Variants in DPP6 observed in about 807,000 individuals in gnomAD.
The protein encoded by DPP6 is A-type potassium channel modulatory protein DPP6.
Under a neutral mutation model 122.6 loss-of-function variants are expected in DPP6, and 69 were observed. The ratio of observed to expected loss-of-function variants is 0.56; its 90% CI spans 0.46 to 0.69. The LOEUF is 0.69. DPP6 is among the 30% of genes least tolerant of loss of function. DPP6 has a pLI of 0.00. For missense variants in DPP6, 928 were observed against 1,116.9 expected, an observed-to-expected ratio of 0.83 and a Z score of 2.41; for synonymous variants, 418 against 433.1, an observed-to-expected ratio of 0.97 and a Z score of 0.43.
At chr7:153,851,886 T>C in the DPP6 span, among the ~76,000 whole-genome samples, 1 of 152,232 alleles carries the variant, frequency 6.6e-6, no homozygotes, top group Admixed American at 6.5e-5. Flanking sequence ...CTCTGTAATT[T>C]ACATTTTACG....
intron 1 of DPP6, among the ~76,000 whole-genome samples, chr7:154,278,490 G>A (rs1042336203): frequency 6.6e-6 from 1 of 152,194 alleles, no homozygotes; most frequent in African/African-American, 2.4e-5. Context: ...AAATATAGAA[G>A]CATGTACATC....
chr7:154,701,020 A>AC (rs910702510), intron 7 of DPP6, among the ~76,000 whole-genome samples: 7 of 150,652 alleles, frequency 4.6e-5, no homozygotes, highest in Non-Finnish European at 8.9e-5. Context: ...CATCCCCATC[A>AC]CCCCCCATCT....
the DPP6 span, among the ~76,000 whole-genome samples, chr7:153,769,024 T>C: frequency 2.0e-5 from 3 of 152,274 alleles, no homozygotes; most frequent in Admixed American, 2.0e-4. Context: ...TTCTTCTTCA[T>C]TATCGGAATG....
chr7:154,482,725 G>T (rs531100120), intron 3 of DPP6, among the ~76,000 whole-genome samples: 3 of 152,002 alleles, frequency 2.0e-5, no homozygotes, highest in Non-Finnish European at 4.4e-5. Context: ...CTTAATTTGC[G>T]CCATCTTCTG....
At position 154,483,272 on chromosome 7, in the gene DPP6, C is replaced by T. The variant is rs1471052011; in HGVS notation, c.457+8235C>T. ...AAAACCACCCCACGGTGGCCACGCA[C>T]CTCTTCCTGGCTCACAGCCCCAGGG... On this transcript the variant is annotated intron_variant, in intron 3 of 25. Coordinates refer to ENST00000377770, the MANE Select transcript of DPP6 (RefSeq NM_130797.4). This position sits in a 1 kb window ranked among gnomAD's most constrained non-coding sequence, Gnocchi z 8.1. 6.6e-6 allele frequency among the ~76,000 whole-genome samples: 1 copy of T among 152,146 alleles called. No individual in the cohort carries two copies. The highest frequency in any genetic ancestry group is 1.5e-5 in the Non-Finnish European group (1 of 68,020).
At chr7:154,459,923 C>A (rs1314094358) in intron 2 of DPP6, among the ~76,000 whole-genome samples, 4 of 148,954 alleles carry the variant, frequency 2.7e-5, no homozygotes, top group African/African-American at 9.9e-5. Context: ...TCCCTAGATA[C>A]TGTCACTTTC....
intron 4 of DPP6, among the ~76,000 whole-genome samples, chr7:154,549,049 A>C (rs1372522912): frequency 2.6e-5 from 4 of 152,172 alleles, no homozygotes; most frequent in Non-Finnish European, 5.9e-5. Flanking sequence ...GTCTGGGGAA[A>C]AGGTGGAGAG....
At chr7:154,516,976 CT>C (rs1288233626) in intron 3 of DPP6, among the ~76,000 whole-genome samples, 3 of 152,154 alleles carry the variant, frequency 2.0e-5, no homozygotes, top group African/African-American at 2.4e-5. Flanking sequence ...TTTCTGTTAT[CT>C]TTTTTTATTT....
chr7:153,883,887 G>A (rs1241530544), upstream of DPP6, among the ~76,000 whole-genome samples: 2 of 152,222 alleles, frequency 1.3e-5, no homozygotes, highest in African/African-American at 4.8e-5. Context: ...CACAAGCTGG[G>A]CAGGAGGAGC....
intron 1 of DPP6, among the ~76,000 whole-genome samples, chr7:154,020,416 C>T (rs1052095122): frequency 2.1e-4 from 31 of 151,110 alleles, no homozygotes; most frequent in African/African-American, 5.1e-4. Context: ...TGTAGATCAG[C>T]GGATCCAAAC....
At chr7:154,741,461 C>T (rs888523277) in intron 8 of DPP6, among the ~76,000 whole-genome samples, 3 of 152,224 alleles carry the variant, frequency 2.0e-5, no homozygotes, top group Non-Finnish European at 4.4e-5. Context: ...CAGAAACACC[C>T]AAAGAAGAGA....
intron 1 of DPP6, among the ~76,000 whole-genome samples, chr7:154,349,984 G>A (rs1261807607): frequency 6.6e-6 from 1 of 152,202 alleles, no homozygotes; most frequent in Non-Finnish European, 1.5e-5. Context: ...TGATGATGAT[G>A]CCAACTTGGG....
At chr7:154,247,918 C>T (rs1402808555) in intron 1 of DPP6, among the ~76,000 whole-genome samples, 1 of 152,054 alleles carries the variant, frequency 6.6e-6, no homozygotes, top group Non-Finnish European at 1.5e-5. Context: ...TTGTGTTAGT[C>T]GGTTTGGGCT....
intron 1 of DPP6, among the ~76,000 whole-genome samples, chr7:154,433,106 G>A (rs1818561821): frequency 6.9e-6 from 1 of 144,700 alleles, no homozygotes. Flanking sequence ...ACAAGTTCCT[G>A]TAGGTAATGG....
the DPP6 span, among the ~76,000 whole-genome samples, chr7:153,802,505 T>C: frequency 1.3e-5 from 2 of 152,090 alleles, no homozygotes; most frequent in Non-Finnish European, 1.5e-5. Context: ...AAACAAAATA[T>C]TGGCTGATTT....
At chr7:153,759,168 T>A in the DPP6 span, among the ~76,000 whole-genome samples, 1 of 152,080 alleles carries the variant, frequency 6.6e-6, no homozygotes, top group East Asian at 1.9e-4. Context: ...CATCCACATA[T>A]CCTCTTGGCT....
chr7:154,752,895 G>A (rs1371863071), intron 8 of DPP6, among the ~76,000 whole-genome samples: 1 of 152,174 alleles, frequency 6.6e-6, no homozygotes, highest in Admixed American at 6.5e-5. Flanking sequence ...TGGCTCTAGT[G>A]AACGGGATTT....
At chr7:154,272,431 C>T (rs1238330734) in intron 1 of DPP6, among the ~76,000 whole-genome samples, 2 of 152,156 alleles carry the variant, frequency 1.3e-5, no homozygotes, top group South Asian at 4.1e-4. Context: ...GCATTTTGTG[C>T]ACCGCCTGGA....
At chr7:154,576,991 G>C (rs1167428615) in intron 5 of DPP6, among the ~76,000 whole-genome samples, 1 of 152,200 alleles carries the variant, frequency 6.6e-6, no homozygotes, top group African/African-American at 2.4e-5. Flanking sequence ...TGCAAAGGCA[G>C]TGGAAGGGTA....
Sources: allele counts gnomAD v4.1 joint callset (sites outside exome capture counted in the v4.1 genomes callset), GRCh38; gene constraint gnomAD v4.1.1; non-coding constraint Gnocchi (gnomAD v3.1); transcripts MANE v1.5; gene names NCBI Gene and HGNC (gene_info 2026-07-23, HGNC 2026-07-21).